Variants in TTLL1 observed in about 807,000 individuals in gnomAD.
TTLL1 encodes the protein polyglutamylase complex subunit TTLL1.
TTLL1 carries 33 observed loss-of-function variants against 47.8 expected under a neutral mutation model. The observed-to-expected ratio is 0.69, with a 90% CI of 0.52 to 0.92. The LOEUF (loss-of-function observed/expected upper bound fraction) is 0.92, where lower values mean the gene tolerates loss of function less well. TTLL1 is among the 40% of genes least tolerant of loss of function. TTLL1 has a pLI of 0.00. For missense variants in TTLL1, 488 were observed against 547.5 expected, an observed-to-expected ratio of 0.89 and a Z score of 1.08; for synonymous variants, 225 against 214.1, an observed-to-expected ratio of 1.05 and a Z score of -0.45.
intron 2 of TTLL1, among the ~76,000 whole-genome samples, chr22:43,076,920 T>G (rs1928538894): frequency 6.6e-6 from 1 of 151,214 alleles, no homozygotes; most frequent in Non-Finnish European, 1.5e-5. Flanking sequence ...GCTAACACAG[T>G]AAAACCCCGT....
intron 6 of TTLL1, 131 bp from the exon 7 acceptor site, chr22:43,064,052 T>G: frequency 6.7e-7 from 1 of 1,489,806 alleles, no homozygotes; most frequent in Admixed American, 1.9e-5. Flanking sequence ...GCCTGACTGC[T>G]CTTACTTCCC....
intron 5 of TTLL1, among the ~76,000 whole-genome samples, chr22:43,067,239 C>T (rs79138413): frequency 0.011 from 1,614 of 152,350 alleles, 30 homozygotes; most frequent in African/African-American, 0.036. Context: ...CTGTGCCCGG[C>T]TCCTCCCAGA....
chr22:43,042,361 G>A (rs1490811047), intron 10 of TTLL1, among the ~76,000 whole-genome samples: 3 of 152,208 alleles, frequency 2.0e-5, no homozygotes, highest in Non-Finnish European at 2.9e-5. Flanking sequence ...GCCACCTACC[G>A]AGCCAACGCA....
chr22:43,080,490 T>C (rs1928805445), intron 1 of TTLL1, among the ~76,000 whole-genome samples: 1 of 151,540 alleles, frequency 6.6e-6, no homozygotes, highest in Non-Finnish European at 1.5e-5. Context: ...TTCTGAACTG[T>C]ATTACTTACT....
chr22:43,069,930 C>T lies in TTLL1; in HGVS notation c.114-86G>A. The T allele has an allele frequency of 2.0e-6, 3 of 1,527,014 alleles. No individual in the cohort carries two copies. In the South Asian group the frequency reaches 3.7e-5, roughly 19 times the overall value. The allele number at this position is 1,527,014 out of a possible 1,614,324, so 94.6% of individuals were successfully genotyped here. On this transcript the variant is annotated intron_variant, in intron 3 of 10. Transcript: ENST00000266254. Reference sequence around the variant, plus strand: ...TTCCCGTCCCCGCAAACACCCTGAACCCTCAGCACCCTTCACCACTACTCC... The same window carrying T: ...TTCCCGTCCCCGCAAACACCCTGAATCCTCAGCACCCTTCACCACTACTCC...
chr22:43,044,530 G>GT (rs1555956440), intron 10 of TTLL1, among the ~76,000 whole-genome samples: 2 of 152,040 alleles, frequency 1.3e-5, no homozygotes, highest in East Asian at 1.9e-4. Context: ...TTCTTCCTTT[G>GT]TTTTTTAAAA....
chr22:43,053,945 G>A (rs1443443875), intron 8 of TTLL1, among the ~76,000 whole-genome samples: 1 of 152,160 alleles, frequency 6.6e-6, no homozygotes, highest in Non-Finnish European at 1.5e-5. Context: ...TGCTTAATCC[G>A]GCATTAGAAT....
intron 8 of TTLL1, among the ~76,000 whole-genome samples, chr22:43,053,273 G>A (rs1036110607): frequency 2.0e-5 from 3 of 152,230 alleles, no homozygotes; most frequent in African/African-American, 7.2e-5. Flanking sequence ...ATCGGACTCC[G>A]CTTCAACGAA....
At chr22:43,085,561 A>T (rs1601711080) in intron 1 of TTLL1, among the ~76,000 whole-genome samples, 1 of 152,172 alleles carries the variant, frequency 6.6e-6, no homozygotes, top group East Asian at 1.9e-4. Flanking sequence ...CCCCTGCACA[A>T]GCTCTCTTGC....
chr22:43,070,982 G>A (rs879698042), intron 3 of TTLL1, among the ~76,000 whole-genome samples: 4 of 152,024 alleles, frequency 2.6e-5, no homozygotes, highest in Admixed American at 6.6e-5. Flanking sequence ...ACTTGATCTC[G>A]CCGCACTGCA....
chr22:43,063,977 C>A (rs2146975451), intron 6 of TTLL1, 56 bp from the exon 7 acceptor site: 1 of 1,562,802 alleles, frequency 6.4e-7, no homozygotes. Flanking sequence ...AGAAAAGACA[C>A]CACTTCATTC....
At chr22:43,059,229 G>A (rs939517905) in intron 8 of TTLL1, among the ~76,000 whole-genome samples, 155 bp downstream of exon 8, 3 of 152,184 alleles carry the variant, frequency 2.0e-5, no homozygotes, top group African/African-American at 7.2e-5. Flanking sequence ...TCTGACCTCA[G>A]GTGATCCGCC....
intron 9 of TTLL1, 60 bp from the exon 10 acceptor site, chr22:43,046,633 G>A (rs1042131294): frequency 3.2e-6 from 5 of 1,582,028 alleles, no homozygotes; most frequent in Non-Finnish European, 4.3e-6. Context: ...GAATGAAAAT[G>A]TGCACTGCAG....
intron 5 of TTLL1, among the ~76,000 whole-genome samples, chr22:43,064,773 G>T (rs1392653621): frequency 1.3e-5 from 2 of 151,844 alleles, no homozygotes; most frequent in Non-Finnish European, 2.9e-5. Context: ...AAAAAGATCT[G>T]TGGTTGCCAC....
chr22:43,067,215 G>T (rs1482485163), intron 5 of TTLL1, among the ~76,000 whole-genome samples: 1 of 152,182 alleles, frequency 6.6e-6, no homozygotes, highest in African/African-American at 2.4e-5. Context: ...CACTTGCTCG[G>T]CTGTGCCCAT....
chr22:43,067,974 T>G (rs1927850211), intron 5 of TTLL1, among the ~76,000 whole-genome samples: 2 of 149,458 alleles, frequency 1.3e-5, no homozygotes, highest in South Asian at 4.3e-4. Flanking sequence ...TGGCTAATTT[T>G]TTTTTTTTTT....
chr22:43,068,357 T>G (rs1172941981), intron 5 of TTLL1, 53 bp downstream of exon 5: 1 of 1,398,996 alleles, frequency 7.1e-7, no homozygotes, highest in Non-Finnish European at 9.5e-7. Flanking sequence ...GCGAACAGCA[T>G]AAAACGGTGA....
chr22:43,077,533 C>G (rs1928587611), intron 2 of TTLL1, among the ~76,000 whole-genome samples: 1 of 152,196 alleles, frequency 6.6e-6, no homozygotes, highest in South Asian at 2.1e-4. Context: ...CAGGGCCCAG[C>G]TCCATGCCTG....
In TTLL1 at chr22:43,078,590, T is replaced by C. The variant is rs547202186; in HGVS notation, c.-5+1312A>G. Among the ~76,000 whole-genome samples, 58 of 152,090 alleles carry C rather than the reference T, an allele frequency of 3.8e-4. 1 individual carries two copies. The South Asian group carries it at 7.1e-3, about 19-fold the overall frequency. Reference sequence around the variant, plus strand: ...GTGCCCTGATTCAAAGCCGGGATGATACTACTCTAAAGTGCCGCCTCTCTC... The same window carrying C: ...GTGCCCTGATTCAAAGCCGGGATGACACTACTCTAAAGTGCCGCCTCTCTC... On this transcript the variant is annotated intron_variant, in intron 2 of 10. Transcript: ENST00000266254.
Sources: allele counts gnomAD v4.1 joint callset (sites outside exome capture counted in the v4.1 genomes callset), GRCh38; gene constraint gnomAD v4.1.1; transcripts MANE v1.5; gene names NCBI Gene and HGNC (gene_info 2026-07-23, HGNC 2026-07-21).